Variants in CTNNA2 observed in about 807,000 individuals in gnomAD.
CTNNA2 encodes catenin alpha 2, also known as catenin alpha-2.
Under a neutral mutation model 101.0 loss-of-function variants are expected in CTNNA2, and 42 were observed. That is an observed-to-expected ratio of 0.42 (90% CI 0.32 to 0.54). CTNNA2 has a LOEUF of 0.54. CTNNA2 is among the 20% of genes least tolerant of loss of function. The probability of loss-of-function intolerance (pLI) is 0.14; values close to 1 mark genes in which losing one functional copy is unlikely to be tolerated. For synonymous variants in CTNNA2, 450 were observed against 456.4 expected (o/e 0.99, Z 0.18); for missense variants, 871 against 1,223.1 (o/e 0.71, Z 4.29).
chr2:79,282,614 T>C (rs1675425413), intron 2 of CTNNA2, among the ~76,000 whole-genome samples: 1 of 145,090 alleles, frequency 6.9e-6, no homozygotes, highest in African/African-American at 2.5e-5. Flanking sequence ...TGCATAGTAT[T>C]CTATGGTGTA....
chr2:80,289,058 A>G (rs1216389160), intron 7 of CTNNA2: 2 of 152,150 alleles, frequency 1.3e-5, no homozygotes, highest in Non-Finnish European at 2.9e-5. Flanking sequence ...ATAAATGGTT[A>G]ATTAAGCCGA....
intron 3 of CTNNA2, among the ~76,000 whole-genome samples, chr2:79,771,068 TTTTGTTTTGC>T (rs1673536174): frequency 2.6e-5 from 4 of 152,200 alleles, no homozygotes; most frequent in Admixed American, 2.6e-4. Flanking sequence ...ACAAGGCTGC[TTTTGTTTTGC>T]TTTGTTTTGA....
chr2:79,989,496 A>G (rs546143483), intron 7 of CTNNA2, among the ~76,000 whole-genome samples: 1 of 152,228 alleles, frequency 6.6e-6, no homozygotes, highest in African/African-American at 2.4e-5. Flanking sequence ...TTATCTGGAC[A>G]TGATGGCATG....
intron 8 of CTNNA2, among the ~76,000 whole-genome samples, chr2:80,417,984 T>C (rs1425957598): frequency 6.6e-6 from 1 of 152,206 alleles, no homozygotes; most frequent in Non-Finnish European, 1.5e-5. Context: ...TGTCTAATTG[T>C]TGAGATAACC....
At chr2:79,446,314 T>C (rs560013458) in intron 4 of CTNNA2, among the ~76,000 whole-genome samples, 1 of 152,150 alleles carries the variant, frequency 6.6e-6, no homozygotes, top group East Asian at 1.9e-4. Flanking sequence ...GAAAGATGGC[T>C]CTTCAAGCAT....
chr2:79,303,021 A>G (rs1464166578), intron 2 of CTNNA2, among the ~76,000 whole-genome samples: 1 of 152,228 alleles, frequency 6.6e-6, no homozygotes, highest in Non-Finnish European at 1.5e-5. Context: ...TCTAGGACCA[A>G]ATGAATCTGT....
chr2:80,410,075 T>G (rs776315523), intron 8 of CTNNA2, among the ~76,000 whole-genome samples: 25 of 152,188 alleles, frequency 1.6e-4, no homozygotes, highest in Non-Finnish European at 2.8e-4. Context: ...TTTTCTTGGA[T>G]TGTCTTTTGC....
chr2:79,290,002 A>G (rs939039574), intron 2 of CTNNA2, among the ~76,000 whole-genome samples: 1 of 152,112 alleles, frequency 6.6e-6, no homozygotes, highest in South Asian at 2.1e-4. Flanking sequence ...TCAGAGGTTT[A>G]TAACAATTGA....
intron 18 of CTNNA2, among the ~76,000 whole-genome samples, chr2:80,631,175 T>C (rs1207911978): frequency 1.3e-5 from 2 of 152,278 alleles, no homozygotes; most frequent in East Asian, 3.9e-4. Context: ...GAAACTTTCA[T>C]CTTAATATTA....
intron 7 of CTNNA2, among the ~76,000 whole-genome samples, chr2:80,116,322 G>T (rs1184821330): frequency 1.3e-5 from 2 of 151,292 alleles, no homozygotes; most frequent in African/African-American, 4.9e-5. Flanking sequence ...TGTGTTACAG[G>T]GTTGGGTGTA....
intron 2 of CTNNA2, chr2:79,281,386 A>G (rs1675378760): frequency 1.3e-5 from 2 of 152,126 alleles, no homozygotes; most frequent in Non-Finnish European, 2.9e-5. Context: ...TAACGGCTCC[A>G]TTTGCTCAGT....
chr2:80,423,103 T>A (rs1051838177), intron 9 of CTNNA2, among the ~76,000 whole-genome samples: 3 of 152,156 alleles, frequency 2.0e-5, no homozygotes, highest in Non-Finnish European at 4.4e-5. Flanking sequence ...CCTTGATTAG[T>A]TTTGCAGATA....
chr2:79,798,169 G>A (rs1675868453), intron 3 of CTNNA2, among the ~76,000 whole-genome samples: 1 of 152,124 alleles, frequency 6.6e-6, no homozygotes, highest in Non-Finnish European at 1.5e-5. Flanking sequence ...ATTTTAACTG[G>A]ATATTCCAAG....
At chr2:80,469,547 T>G (rs1050003254) in intron 9 of CTNNA2, among the ~76,000 whole-genome samples, 3 of 152,194 alleles carry the variant, frequency 2.0e-5, no homozygotes, top group Admixed American at 2.0e-4. Flanking sequence ...CTAGTAGACA[T>G]TAGGTACTAG....
chr2:80,120,051 C>G (rs1182240625), intron 7 of CTNNA2, among the ~76,000 whole-genome samples: 1 of 152,186 alleles, frequency 6.6e-6, no homozygotes, highest in Non-Finnish European at 1.5e-5. Context: ...TACTAATAGG[C>G]TCTGCATTGC....
chr2:79,851,985 G>A lies in CTNNA2; in HGVS notation c.299-6028G>A, dbSNP rs928658540. Reference sequence around the variant, plus strand: ...ACTCCTGACCTCAAATGATCTGCCCGCCTCAGCCTCTCGAAGTGCTGGGAT... The same window carrying A: ...ACTCCTGACCTCAAATGATCTGCCCACCTCAGCCTCTCGAAGTGCTGGGAT... On this transcript the variant is annotated intron_variant, in intron 3 of 18. Transcript: ENST00000402739. Among the ~76,000 whole-genome samples, 4 of 151,976 alleles carry A rather than the reference G, an allele frequency of 2.6e-5. No homozygotes were observed. The South Asian group carries it at 6.2e-4, about 24-fold the overall frequency.
chr2:79,523,008 C>T (rs769657209), intron 1 of CTNNA2, among the ~76,000 whole-genome samples: 9 of 152,036 alleles, frequency 5.9e-5, no homozygotes, highest in East Asian at 5.8e-4. Context: ...TCTTTCCCCC[C>T]GTGAGTATAT....
intron 1 of CTNNA2, among the ~76,000 whole-genome samples, chr2:79,544,119 G>A (rs1673584237): frequency 1.3e-5 from 2 of 152,128 alleles, no homozygotes; most frequent in Non-Finnish European, 1.5e-5. Context: ...TGTATTTTTG[G>A]TAGTTACAGG....
At chr2:80,232,136 G>C (rs1310758451) in intron 7 of CTNNA2, among the ~76,000 whole-genome samples, 1 of 151,978 alleles carries the variant, frequency 6.6e-6, no homozygotes, top group East Asian at 1.9e-4. Context: ...TACCTTTCTG[G>C]ACCAAACCAA....
Sources: gnomAD v4.1 joint callset for allele counts (sites outside exome capture counted in the v4.1 genomes callset) on GRCh38, gnomAD v4.1.1 for gene constraint, MANE v1.5 for transcripts, NCBI Gene and HGNC (gene_info 2026-07-23, HGNC 2026-07-21) for gene names.